TNIK: variants seen among roughly 807,000 people sequenced by gnomAD.
The protein encoded by TNIK is TRAF2 and NCK-interacting protein kinase.
In TNIK, 49 loss-of-function variants were observed where a neutral mutation model predicts 191.3. The ratio of observed to expected loss-of-function variants is 0.26; its 90% CI spans 0.20 to 0.32. The LOEUF (loss-of-function observed/expected upper bound fraction) is 0.32, where lower values mean the gene tolerates loss of function less well. Ranked by LOEUF, TNIK falls within the 10% of genes least tolerant of loss-of-function variation. The pLI, the probability that TNIK is intolerant of heterozygous loss-of-function variation, is 1.00. For synonymous variants in TNIK, 594 were observed against 600.9 expected (o/e 0.99, Z 0.17); for missense variants, 1,155 against 1,702.3 (o/e 0.68, Z 5.66).
intron 2 of TNIK, among the ~76,000 whole-genome samples, chr3:171,333,043 G>A (rs775610947): frequency 6.6e-6 from 1 of 152,132 alleles, no homozygotes; most frequent in South Asian, 2.1e-4. Context: ...CAAAAGCACA[G>A]TGATGTTCTT....
intron 18 of TNIK, among the ~76,000 whole-genome samples, chr3:171,113,820 T>C (rs1726248621): frequency 6.6e-6 from 1 of 151,996 alleles, no homozygotes; most frequent in African/African-American, 2.4e-5. Flanking sequence ...CTCTGTGAGC[T>C]TAGCTGGATA....
intron 2 of TNIK, among the ~76,000 whole-genome samples, chr3:171,238,235 T>A (rs561677162): frequency 2.6e-3 from 401 of 151,842 alleles, no homozygotes; most frequent in Non-Finnish European, 4.7e-3. Context: ...TTCAAAAAAA[T>A]TCATAAAATT....
In TNIK at chr3:171,429,845, A is replaced by G. The variant is rs186669503; in HGVS notation, c.57+30162T>C. Among the ~76,000 whole-genome samples, 631 of 152,214 alleles carry G rather than the reference A, an allele frequency of 4.1e-3. 5 individuals carry two copies. The highest frequency in any genetic ancestry group is 0.014 in the African/African-American group (592 of 41,516). Reference sequence around the variant, plus strand: ...GAAGCCTTTCACATACATTCTAACCAAGAGTGGTTTGCAGCATTCCTCCCC... The same window carrying G: ...GAAGCCTTTCACATACATTCTAACCGAGAGTGGTTTGCAGCATTCCTCCCC... On this transcript the variant is annotated intron_variant, in intron 1 of 32. Transcript: ENST00000436636.
chr3:171,351,918 C>T (rs1422167595), intron 2 of TNIK, among the ~76,000 whole-genome samples: 1 of 152,202 alleles, frequency 6.6e-6, no homozygotes, highest in Non-Finnish European at 1.5e-5. Flanking sequence ...ATCCTGAACC[C>T]TGGATTTATG....
intron 4 of TNIK, among the ~76,000 whole-genome samples, chr3:171,209,064 GGT>G (rs61264225): frequency 0.012 from 1,737 of 141,942 alleles, 19 homozygotes; most frequent in African/African-American, 0.029. Flanking sequence ...CTTTGGAAGG[GGT>G]GTGTGTGTGT....
chr3:171,416,092 C>T (rs754197040), intron 1 of TNIK, among the ~76,000 whole-genome samples: 2 of 151,764 alleles, frequency 1.3e-5, no homozygotes, highest in African/African-American at 2.4e-5. Context: ...AGAGGTCTCT[C>T]GTTGCCTAAG....
chr3:171,185,178 C>CGTGTGTGTGTGT (rs148499254), intron 7 of TNIK, among the ~76,000 whole-genome samples: 22 of 145,976 alleles, frequency 1.5e-4, no homozygotes, highest in Admixed American at 6.2e-4. Context: ...ATAGATTTCC[C>CGTGTGTGTGTGT]GTGTGTGTGT....
intron 19 of TNIK, among the ~76,000 whole-genome samples, chr3:171,109,023 G>A (rs1725414771): frequency 6.6e-6 from 1 of 152,186 alleles, no homozygotes; most frequent in African/African-American, 2.4e-5. Flanking sequence ...CCGGAAGAAC[G>A]AGGGGCTGAA....
intron 2 of TNIK, among the ~76,000 whole-genome samples, chr3:171,353,963 C>T (rs1457842960): frequency 6.6e-6 from 1 of 151,990 alleles, no homozygotes; most frequent in African/African-American, 2.4e-5. Flanking sequence ...CCTCCAAATG[C>T]CCCCAAAAGG....
chr3:171,458,609 C>A (rs1729045089), intron 1 of TNIK, among the ~76,000 whole-genome samples: 1 of 152,192 alleles, frequency 6.6e-6, no homozygotes, highest in East Asian at 1.9e-4. Flanking sequence ...ACTTTGATCA[C>A]AAAGGTAGCA....
intron 15 of TNIK, among the ~76,000 whole-genome samples, chr3:171,132,627 T>C (rs1348560357): frequency 2.6e-5 from 4 of 152,208 alleles, no homozygotes; most frequent in Admixed American, 6.5e-5. Context: ...TCAATGTCAA[T>C]TGTCAAATTG....
chr3:171,439,919 G>C (rs1377408660), intron 1 of TNIK, among the ~76,000 whole-genome samples: 1 of 152,172 alleles, frequency 6.6e-6, no homozygotes, highest in East Asian at 1.9e-4. Context: ...CTGGTTTCAT[G>C]AACATTCTAC....
intron 12 of TNIK, among the ~76,000 whole-genome samples, chr3:171,145,243 C>T (rs539111625): frequency 1.3e-5 from 2 of 152,212 alleles, no homozygotes; most frequent in Non-Finnish European, 2.9e-5. Context: ...CCCGCCACCA[C>T]GCCTGGCTAA....
At chr3:171,182,829 C>T (rs1019589361) in intron 7 of TNIK, among the ~76,000 whole-genome samples, 2 of 152,196 alleles carry the variant, frequency 1.3e-5, no homozygotes, top group Non-Finnish European at 1.5e-5. Context: ...CCCCAATGTG[C>T]ACCATGAGGT....
intron 2 of TNIK, among the ~76,000 whole-genome samples, chr3:171,236,558 T>A (rs1577207272): frequency 6.6e-6 from 1 of 152,094 alleles, no homozygotes; most frequent in African/African-American, 2.4e-5. Flanking sequence ...AAAAGCAAGG[T>A]CCAGACGCTG....
chr3:171,407,776 AAC>A (rs1056360761), intron 1 of TNIK, among the ~76,000 whole-genome samples: 12 of 152,240 alleles, frequency 7.9e-5, no homozygotes, highest in African/African-American at 2.7e-4. Flanking sequence ...CTATGAATGA[AAC>A]ACACACAAGA....
chr3:171,367,874 C>T (rs1250777741), intron 2 of TNIK, among the ~76,000 whole-genome samples: 2 of 152,024 alleles, frequency 1.3e-5, no homozygotes, highest in Non-Finnish European at 2.9e-5. Context: ...ATCTCCTGTC[C>T]CAAAGTTCAC....
chr3:171,280,691 G>A (rs1750328389), intron 2 of TNIK, among the ~76,000 whole-genome samples: 1 of 149,490 alleles, frequency 6.7e-6, no homozygotes, highest in Non-Finnish European at 1.5e-5. Context: ...TGATCTTTCA[G>A]AGATAAACCA....
At chr3:171,101,369 A>G in intron 22 of TNIK, 80 bp downstream of exon 22, 2 of 1,474,332 alleles carry the variant, frequency 1.4e-6, no homozygotes, top group South Asian at 1.4e-5. Flanking sequence ...ACAATCTTAC[A>G]TTTAACTCAT....
Sources: gnomAD v4.1 joint callset for allele counts (sites outside exome capture counted in the v4.1 genomes callset) on GRCh38, gnomAD v4.1.1 for gene constraint, MANE v1.5 for transcripts, NCBI Gene and HGNC (gene_info 2026-07-23, HGNC 2026-07-21) for gene names.